FGF13: variants seen among roughly 807,000 people sequenced by gnomAD.
FGF13 encodes the protein fibroblast growth factor 13.
A neutral mutation model predicts 19.5 loss-of-function variants in FGF13; 2 were observed. The observed-to-expected ratio is 0.10, with a 90% CI of 0.04 to 0.32. The LOEUF is 0.32. FGF13 is among the 10% of genes least tolerant of loss of function. FGF13 has a pLI of 1.00. For synonymous variants in FGF13, 72 were observed against 76.9 expected (o/e 0.94, Z 0.33); for missense variants, 113 against 192.7 (o/e 0.59, Z 2.45).
At chrX:138,983,291 G>A (rs1337536538) in intron 1 of FGF13, among the ~76,000 whole-genome samples, 1 of 107,888 alleles carries the variant, frequency 9.3e-6, no homozygotes, top group Admixed American at 1.0e-4. Flanking sequence ...GCAAGTGGTG[G>A]GAGACGGGGT....
intron 1 of FGF13, among the ~76,000 whole-genome samples, chrX:139,136,188 T>C (rs1226046852): frequency 9.0e-6 from 1 of 110,944 alleles, no homozygotes; most frequent in Non-Finnish European, 1.9e-5. Context: ...GAAGTATGAG[T>C]GTTGTTTTTT....
intron 1 of FGF13, among the ~76,000 whole-genome samples, chrX:138,909,186 T>C (rs1286176109): frequency 8.9e-6 from 1 of 111,987 alleles, no homozygotes; most frequent in African/African-American, 3.2e-5. Context: ...TTTGCTATTG[T>C]GCTGTTTTCC....
At chrX:138,880,627 G>A (rs1162475637) in intron 1 of FGF13, among the ~76,000 whole-genome samples, 1 of 111,821 alleles carries the variant, frequency 8.9e-6, no homozygotes, top group Non-Finnish European at 1.9e-5. Context: ...TATGGTATGA[G>A]ATATGGGTTC....
At chrX:138,791,390 C>A (rs1373188160) in intron 3 of FGF13, among the ~76,000 whole-genome samples, 3 of 112,027 alleles carry the variant, frequency 2.7e-5, no homozygotes, top group African/African-American at 9.7e-5. Flanking sequence ...CCTGGATTTG[C>A]CTATTCATGA....
At chrX:138,694,332 T>C (rs1004293870) in intron 3 of FGF13, among the ~76,000 whole-genome samples, 1 of 112,026 alleles carries the variant, frequency 8.9e-6, no homozygotes, top group South Asian at 3.7e-4. Flanking sequence ...TTTCCATTAA[T>C]TGTATTTAAG....
At chrX:138,790,316 C>T (rs892662029) in intron 3 of FGF13, among the ~76,000 whole-genome samples, 5 of 109,029 alleles carry the variant, frequency 4.6e-5, no homozygotes, top group African/African-American at 6.7e-5. Context: ...TCTACCCTCC[C>T]AAAATTACCT....
chrX:139,112,969 G>A (rs2083613780), intron 1 of FGF13, among the ~76,000 whole-genome samples: 1 of 86,528 alleles, frequency 1.2e-5, no homozygotes, highest in Admixed American at 1.3e-4. Flanking sequence ...ACTTGATTAT[G>A]TAGTGTGTGT....
At chrX:138,739,213 A>C in intron 1 of FGF13, 4 of 868,695 alleles carry the variant, frequency 4.6e-6, no homozygotes, top group Non-Finnish European at 5.1e-6. Flanking sequence ...ATCTATGTCC[A>C]TCAAAAACAT....
At chrX:138,851,203 TATGCATGTATTTTTATA>T (rs1278788599) in intron 3 of FGF13, among the ~76,000 whole-genome samples, 1 of 112,149 alleles carries the variant, frequency 8.9e-6, no homozygotes, top group Non-Finnish European at 1.9e-5. Flanking sequence ...TGAACATATG[TATGCATGTATTTTTATA>T]ACAGAATGAT....
intron 1 of FGF13, among the ~76,000 whole-genome samples, chrX:138,955,554 T>C (rs972805670): frequency 8.9e-6 from 1 of 112,116 alleles, no homozygotes; most frequent in Non-Finnish European, 1.9e-5. Context: ...ACACAGGTAG[T>C]AAGTGGCAGA....
chrX:139,108,177 C>T (rs987171134), intron 1 of FGF13, among the ~76,000 whole-genome samples: 1 of 112,135 alleles, frequency 8.9e-6, no homozygotes. Flanking sequence ...CAGTAAGGTA[C>T]GGATTTCTTG....
In FGF13 at chrX:139,149,439, T is replaced by C. The variant is rs1174457037; in HGVS notation, c.-113+53977A>G. ...TCACATATGCTGAAAATTGGTACTGTTCACACTTATAAGAGCTACTGATAT... is the reference window on the plus strand; with the variant it reads ...TCACATATGCTGAAAATTGGTACTGCTCACACTTATAAGAGCTACTGATAT... On this transcript the variant is annotated intron_variant, in intron 1 of 2. Transcript: ENST00000421460. Among the ~76,000 whole-genome samples, 4 of 112,535 alleles carry C rather than the reference T, an allele frequency of 3.6e-5. 1 individual carries two copies. The Middle Eastern group carries it at 0.014, about 391-fold the overall frequency.
chrX:139,187,699 TAC>T (rs2084293132), intron 1 of FGF13, among the ~76,000 whole-genome samples: 1 of 112,251 alleles, frequency 8.9e-6, no homozygotes, highest in Admixed American at 9.5e-5. Flanking sequence ...TGCATTAAGT[TAC>T]CATTGAGCCT....
chrX:139,056,392 C>A (rs1243791466), intron 1 of FGF13, among the ~76,000 whole-genome samples: 1 of 112,013 alleles, frequency 8.9e-6, no homozygotes, highest in African/African-American at 3.2e-5. Flanking sequence ...GCAAGACCGG[C>A]CCAGGGCAGT....
chrX:139,203,240 C>G (rs1175538713), intron 1 of FGF13, among the ~76,000 whole-genome samples: 1 of 111,351 alleles, frequency 9.0e-6, no homozygotes, highest in East Asian at 2.9e-4. Flanking sequence ...TCGGGTGCCC[C>G]GGGCGCGGTG....
chrX:139,186,885 G>A (rs766413437), intron 1 of FGF13, among the ~76,000 whole-genome samples: 3 of 111,706 alleles, frequency 2.7e-5, no homozygotes, highest in Non-Finnish European at 5.6e-5. Flanking sequence ...CTCTCCTCAG[G>A]GAGCATTCCC....
chrX:138,839,123 C>G (rs141585920), intron 3 of FGF13, among the ~76,000 whole-genome samples: 26 of 110,598 alleles, frequency 2.4e-4, no homozygotes, highest in African/African-American at 8.2e-4. Context: ...GGAGTGGGCT[C>G]CTGATAAAAG....
chrX:139,028,172 T>C (rs1172176789), intron 1 of FGF13, among the ~76,000 whole-genome samples: 1 of 111,718 alleles, frequency 9.0e-6, no homozygotes, highest in Non-Finnish European at 1.9e-5. Context: ...TTTATCAGCA[T>C]TGCACTAAAA....
intron 1 of FGF13, among the ~76,000 whole-genome samples, chrX:138,983,857 A>G (rs1341782281): frequency 1.9e-5 from 2 of 105,773 alleles, no homozygotes; most frequent in Non-Finnish European, 3.9e-5. Context: ...TTCGACTGGT[A>G]TAAAGTTTCA....
Sources: gnomAD v4.1 joint callset for allele counts (sites outside exome capture counted in the v4.1 genomes callset) on GRCh38, gnomAD v4.1.1 for gene constraint, MANE v1.5 for transcripts, NCBI Gene and HGNC (gene_info 2026-07-23, HGNC 2026-07-21) for gene names.